Variants in MTHFD1L observed in about 807,000 individuals in gnomAD.
MTHFD1L encodes monofunctional C1-tetrahydrofolate synthase, mitochondrial.
A neutral mutation model predicts 119.5 loss-of-function variants in MTHFD1L; 81 were observed. That is an observed-to-expected ratio of 0.68 (90% CI 0.57 to 0.82). The LOEUF (loss-of-function observed/expected upper bound fraction) is 0.82, where lower values mean the gene tolerates loss of function less well. Ranked by LOEUF, MTHFD1L falls within the 40% of genes least tolerant of loss-of-function variation. The pLI, the probability that MTHFD1L is intolerant of heterozygous loss-of-function variation, is 0.00. For missense variants in MTHFD1L, 1,125 were observed against 1,253.4 expected (o/e 0.90, Z 1.55); for synonymous variants, 430 against 475.2 (o/e 0.90, Z 1.24).
intron 26 of MTHFD1L, chr6:151,041,848 A>T: frequency 3.8e-6 from 2 of 531,444 alleles, no homozygotes; most frequent in Non-Finnish European, 7.7e-6. Flanking sequence ...TAAACAATAA[A>T]CATCTCCAGC....
rs118082864 is a variant in MTHFD1L, at chr6:151,075,892, A to G, written c.2848-16575A>G. 1.1e-4 allele frequency among the ~76,000 whole-genome samples: 16 copies of G among 152,362 alleles called. No individual in the cohort carries two copies. In the East Asian group the frequency reaches 3.1e-3, roughly 29 times the overall value. ...TTATCTATTTGATATAAGGATTTGT[A>G]TATGGAATACTAAAACTCAAAACTC... is the stretch of plus-strand genomic sequence containing the variant. On this transcript the variant is annotated intron_variant, in intron 26 of 27. Transcript: ENST00000367321.
intron 26 of MTHFD1L, among the ~76,000 whole-genome samples, chr6:151,056,818 G>A (rs1048519206): frequency 6.6e-6 from 1 of 152,148 alleles, no homozygotes; most frequent in East Asian, 1.9e-4. Flanking sequence ...CCCACAAGGT[G>A]TTCTGACCTG....
chr6:150,899,691 A>G (rs1784806311), intron 7 of MTHFD1L, among the ~76,000 whole-genome samples: 1 of 152,156 alleles, frequency 6.6e-6, no homozygotes, highest in African/African-American at 2.4e-5. Flanking sequence ...ATTAATGCAT[A>G]GGCTGGGTGC....
chr6:150,960,316 G>C lies in MTHFD1L; in HGVS notation c.1845G>C (p.Val615=). 1 of 1,614,022 alleles carries C rather than the reference G, an allele frequency of 6.2e-7. No homozygotes were observed. The highest frequency in any genetic ancestry group is 8.5e-7 in the Non-Finnish European group (1 of 1,179,954). The stretch of plus-strand genomic sequence containing the variant: ...CAGTGGCCAGCGAGATCATGGCGGT[G>C]CTGGCCCTGACGGACAGCCTCGCAG... ...DIAVASEIMA[V]LALTDSLADM... Residue 615 remains valine (V), a synonymous_variant, in exon 18 of 28, where the codon GTG becomes GTC. Coordinates refer to ENST00000367321, the MANE Select transcript of MTHFD1L (RefSeq NM_015440.5).
intron 16 of MTHFD1L, among the ~76,000 whole-genome samples, chr6:150,953,916 A>G (rs922258524): frequency 1.3e-5 from 2 of 152,192 alleles, no homozygotes; most frequent in African/African-American, 4.8e-5. Context: ...TGAGGATACT[A>G]TTGAAAAGCA....
At chr6:150,866,262 G>A in intron 1 of MTHFD1L, 1 of 1,438,620 alleles carries the variant, frequency 7.0e-7, no homozygotes, top group Non-Finnish European at 9.1e-7. Context: ...GTACCCGACC[G>A]GGCCCGCAGC....
At chr6:150,868,403 G>A (rs1180252336) in intron 1 of MTHFD1L, among the ~76,000 whole-genome samples, 3 of 150,646 alleles carry the variant, frequency 2.0e-5, no homozygotes, top group African/African-American at 7.4e-5. Flanking sequence ...GCAGTGGCGG[G>A]ATCTCGGCTC....
At chr6:150,972,122 G>A in intron 20 of MTHFD1L, 64 bp downstream of exon 20, 1 of 1,367,220 alleles carries the variant, frequency 7.3e-7, no homozygotes, top group Non-Finnish European at 1.0e-6. Context: ...GCTGATGACT[G>A]GAATGGAGTG....
intron 5 of MTHFD1L, among the ~76,000 whole-genome samples, chr6:150,884,714 T>C (rs938245847): frequency 6.6e-6 from 1 of 152,202 alleles, no homozygotes. Context: ...GTTACTGAGA[T>C]TGACGTGCTC....
At chr6:150,906,806 C>T (rs763388400) in intron 8 of MTHFD1L, among the ~76,000 whole-genome samples, 1 of 152,118 alleles carries the variant, frequency 6.6e-6, no homozygotes, top group African/African-American at 2.4e-5. Context: ...TACTGACCCT[C>T]CTCTCTAGGA....
At chr6:150,937,256 C>T (rs1172481913) in intron 12 of MTHFD1L, among the ~76,000 whole-genome samples, 1 of 152,142 alleles carries the variant, frequency 6.6e-6, no homozygotes, top group African/African-American at 2.4e-5. Flanking sequence ...ACACGGCCAT[C>T]CATATCGGTG....
chr6:150,947,389 C>G (rs1172241178), intron 15 of MTHFD1L, among the ~76,000 whole-genome samples: 1 of 151,402 alleles, frequency 6.6e-6, no homozygotes, highest in East Asian at 2.0e-4. Flanking sequence ...GCCACCACAC[C>G]CAGCCAAAAA....
chr6:151,001,197 A>G (rs903382597), intron 20 of MTHFD1L, among the ~76,000 whole-genome samples: 1 of 152,212 alleles, frequency 6.6e-6, no homozygotes, highest in Non-Finnish European at 1.5e-5. Flanking sequence ...TGTTGCACAC[A>G]TGGAGAGAAA....
intron 26 of MTHFD1L, chr6:151,088,201 G>A (rs1213291632): frequency 6.6e-6 from 1 of 152,118 alleles, no homozygotes; most frequent in Non-Finnish European, 1.5e-5. Flanking sequence ...TAGTTTAAAT[G>A]TAGACTTATT....
chr6:150,955,634 G>A (rs1795526389), intron 16 of MTHFD1L, among the ~76,000 whole-genome samples: 1 of 151,716 alleles, frequency 6.6e-6, no homozygotes. Context: ...TGAGTAGCTG[G>A]GACTACAGGC....
intron 13 of MTHFD1L, among the ~76,000 whole-genome samples, chr6:150,942,723 A>G (rs890392443): frequency 6.6e-6 from 1 of 151,980 alleles, no homozygotes; most frequent in East Asian, 1.9e-4. Context: ...AAGTACAAAT[A>G]TATATTTATA....
intron 20 of MTHFD1L, among the ~76,000 whole-genome samples, chr6:150,975,306 T>C (rs1562481930): frequency 6.6e-6 from 1 of 152,180 alleles, no homozygotes; most frequent in Non-Finnish European, 1.5e-5. Flanking sequence ...CCGAAGGTGG[T>C]GTGTCCATGC....
At chr6:151,038,884 G>C (rs1786616536) in intron 26 of MTHFD1L, among the ~76,000 whole-genome samples, 1 of 152,168 alleles carries the variant, frequency 6.6e-6, no homozygotes, top group Non-Finnish European at 1.5e-5. Context: ...ACGGGAGAAG[G>C]CAGATTGGCA....
At chr6:151,004,337 A>C (rs570395842) in intron 20 of MTHFD1L, among the ~76,000 whole-genome samples, 31 of 152,298 alleles carry the variant, frequency 2.0e-4, no homozygotes, top group African/African-American at 7.0e-4. Context: ...AACAAACAAA[A>C]AAATCCAAGT....
Sources: gnomAD v4.1 joint callset for allele counts (sites outside exome capture counted in the v4.1 genomes callset) on GRCh38, gnomAD v4.1.1 for gene constraint, MANE v1.5 for transcripts, NCBI Gene and HGNC (gene_info 2026-07-23, HGNC 2026-07-21) for gene names.